Variants in RBFOX1 observed in about 807,000 individuals in gnomAD.
RBFOX1 encodes the protein RNA binding fox-1 homolog 1.
RBFOX1 carries 8 observed loss-of-function variants against 57.7 expected under a neutral mutation model. That is an observed-to-expected ratio of 0.14 (90% CI 0.08 to 0.25). The LOEUF (loss-of-function observed/expected upper bound fraction) is 0.25, where lower values mean the gene tolerates loss of function less well. Ranked by LOEUF, RBFOX1 falls within the 10% of genes least tolerant of loss-of-function variation. RBFOX1 has a pLI of 1.00. For synonymous variants in RBFOX1, 326 were observed against 222.4 expected, an observed-to-expected ratio of 1.47 and a Z score of -4.15; for missense variants, 611 against 548.5, an observed-to-expected ratio of 1.11 and a Z score of -1.14.
At chr16:6,554,544 A>T (rs1254736344) in intron 2 of RBFOX1, among the ~76,000 whole-genome samples, 1 of 152,182 alleles carries the variant, frequency 6.6e-6, no homozygotes, top group Non-Finnish European at 1.5e-5. Flanking sequence ...TATGAACTCT[A>T]TCTCAATAAA....
chr16:6,960,195 C>G (rs901549807), intron 3 of RBFOX1, among the ~76,000 whole-genome samples: 6 of 152,084 alleles, frequency 3.9e-5, no homozygotes, highest in South Asian at 2.1e-4. Context: ...TAGCAGGAGA[C>G]AAGAGAAGGA....
intron 4 of RBFOX1, among the ~76,000 whole-genome samples, chr16:5,952,608 A>C (rs554670360): frequency 1.3e-5 from 2 of 152,078 alleles, no homozygotes; most frequent in African/African-American, 4.8e-5. Context: ...TTTTGTTCTT[A>C]TGTTATTTAC....
chr16:7,488,632 C>G (rs1256402497), intron 4 of RBFOX1, among the ~76,000 whole-genome samples: 2 of 152,110 alleles, frequency 1.3e-5, no homozygotes, highest in African/African-American at 2.4e-5. Context: ...TACTATTTAC[C>G]TATCACTCTA....
At chr16:6,609,879 G>A (rs994616858) in intron 2 of RBFOX1, among the ~76,000 whole-genome samples, 29 of 151,922 alleles carry the variant, frequency 1.9e-4, no homozygotes, top group Admixed American at 1.2e-3. Flanking sequence ...GTGGTGGTGC[G>A]CACCTGTAGT....
At chr16:5,302,003 C>T (rs565977336) in intron 1 of RBFOX1, among the ~76,000 whole-genome samples, 3 of 151,540 alleles carry the variant, frequency 2.0e-5, no homozygotes, top group African/African-American at 7.3e-5. Flanking sequence ...TTCATTTGCT[C>T]CTCTTTAGCT....
chr16:7,020,874 C>G (rs991968410), intron 3 of RBFOX1, among the ~76,000 whole-genome samples: 2 of 152,164 alleles, frequency 1.3e-5, no homozygotes, highest in Admixed American at 6.5e-5. Context: ...TGCCTGTAAT[C>G]CCAGAACTTT....
intron 3 of RBFOX1, among the ~76,000 whole-genome samples, chr16:6,668,637 A>G (rs1176589559): frequency 6.6e-6 from 1 of 152,180 alleles, no homozygotes; most frequent in Non-Finnish European, 1.5e-5. Context: ...ACATGATGTC[A>G]TCCTCATATA....
At chr16:5,698,690 G>C (rs559978166) in intron 3 of RBFOX1, among the ~76,000 whole-genome samples, 24 of 152,296 alleles carry the variant, frequency 1.6e-4, no homozygotes, top group African/African-American at 5.3e-4. Context: ...AAAGTTGGAA[G>C]CAACCCAAAT....
intron 3 of RBFOX1, among the ~76,000 whole-genome samples, chr16:6,792,573 G>C (rs2083178053): frequency 6.6e-6 from 1 of 152,206 alleles, no homozygotes; most frequent in Non-Finnish European, 1.5e-5. Context: ...TCAACGCCAT[G>C]TAGTACTGTG....
intron 3 of RBFOX1, among the ~76,000 whole-genome samples, chr16:6,761,375 GT>G (rs1490700209): frequency 5.9e-5 from 9 of 151,672 alleles, no homozygotes; most frequent in African/African-American, 2.2e-4. Flanking sequence ...CATACATTTA[GT>G]CTTTGCATCT....
rs1355632815 is a variant in RBFOX1 at position 7,029,283 on chromosome 16, TACAC to T, written c.-15-22772_-15-22769del. 2.6e-4 allele frequency among the ~76,000 whole-genome samples: 36 copies of T among 140,720 alleles called. 5 individuals are homozygous for T. Among genetic ancestry groups the T allele is most frequent in the African/African-American group, 7.9e-4 (30 of 38,038 alleles). 92.3% of individuals were successfully genotyped at this position (140,720 alleles called of 152,430 possible). A position where few individuals can be genotyped will look rare whatever the true frequency, so the allele number is the denominator to read the frequency against. ...ATATATATACGTATACGTATATATA[TACAC>T]ATATATATATACGTATATGTATATA... On this transcript the variant is annotated intron_variant, in intron 3 of 15. Coordinates refer to ENST00000550418, the MANE Select transcript of RBFOX1 (RefSeq NM_018723.4).
chr16:6,894,053 A>T (rs11646206), intron 3 of RBFOX1, among the ~76,000 whole-genome samples: 37,914 of 152,134 alleles, frequency 0.25, 5,450 homozygotes, highest in East Asian at 0.44. Flanking sequence ...CTTCCTTTGC[A>T]TAATACTGGA....
chr16:7,012,235 TC>T (rs1471163808), intron 3 of RBFOX1, among the ~76,000 whole-genome samples: 2 of 152,150 alleles, frequency 1.3e-5, no homozygotes, highest in Non-Finnish European at 2.9e-5. Context: ...ACTCATAACA[TC>T]AGCAAGATGA....
chr16:5,451,955 C>G (rs935309702), intron 1 of RBFOX1, among the ~76,000 whole-genome samples: 6 of 152,082 alleles, frequency 3.9e-5, no homozygotes, highest in Non-Finnish European at 5.9e-5. Flanking sequence ...CTCTGGGGAT[C>G]AAAATAAAAT....
intron 3 of RBFOX1, among the ~76,000 whole-genome samples, chr16:6,787,142 A>G (rs2082101248): frequency 6.6e-6 from 1 of 152,176 alleles, no homozygotes. Context: ...GTGCTCTCCA[A>G]GAAACGTTGA....
chr16:7,533,052 T>A (rs1321363714), intron 5 of RBFOX1, among the ~76,000 whole-genome samples: 1 of 152,238 alleles, frequency 6.6e-6, no homozygotes, highest in Non-Finnish European at 1.5e-5. Flanking sequence ...GCAGCTAATG[T>A]TGGGGATGTG....
intron 4 of RBFOX1, among the ~76,000 whole-genome samples, chr16:7,417,429 G>A (rs1468222897): frequency 6.7e-6 from 1 of 150,028 alleles, no homozygotes; most frequent in Non-Finnish European, 1.5e-5. Flanking sequence ...TTTCCCCAGT[G>A]GTAACATCTT....
chr16:7,421,016 G>A (rs191653133), intron 4 of RBFOX1, among the ~76,000 whole-genome samples: 13 of 151,504 alleles, frequency 8.6e-5, no homozygotes, highest in Non-Finnish European at 1.9e-4. Flanking sequence ...CGTGGGAGGC[G>A]AAATTGTGAC....
At chr16:6,171,926 A>C (rs1212601071) in intron 1 of RBFOX1, among the ~76,000 whole-genome samples, 1 of 151,740 alleles carries the variant, frequency 6.6e-6, no homozygotes, top group East Asian at 1.9e-4. Flanking sequence ...GGTTCAAGTG[A>C]TTGTCCTGCC....
Sources: allele counts gnomAD v4.1 joint callset (sites outside exome capture counted in the v4.1 genomes callset), GRCh38; gene constraint gnomAD v4.1.1; transcripts MANE v1.5; gene names NCBI Gene and HGNC (gene_info 2026-07-23, HGNC 2026-07-21).